OOSP2: variants seen among roughly 807,000 people sequenced by gnomAD.
The protein encoded by OOSP2 is oocyte-secreted protein 2.
OOSP2 carries 7 observed loss-of-function variants against 13.4 expected under a neutral mutation model. The ratio of observed to expected loss-of-function variants is 0.52; its 90% CI spans 0.30 to 0.98. The LOEUF is 0.98. Among genes scored for constraint, OOSP2 ranks in the 50% least tolerant of loss-of-function variants. OOSP2 has a pLI of 0.07. For synonymous variants in OOSP2, 75 were observed against 67.2 expected (o/e 1.12, Z -0.57); for missense variants, 184 against 188.5 (o/e 0.98, Z 0.14).
At chr11:60,045,607 T>TGTA (rs1854997473) in intron 3 of OOSP2, among the ~76,000 whole-genome samples, 1 of 90,010 alleles carries the variant, frequency 1.1e-5, no homozygotes, top group South Asian at 5.0e-4. Context: ...ATATACATAA[T>TGTA]CTTGTACATT....
intron 1 of OOSP2, among the ~76,000 whole-genome samples, chr11:60,042,889 T>C (rs1854953793): frequency 6.6e-6 from 1 of 152,052 alleles, no homozygotes. Flanking sequence ...TATACGGTTA[T>C]GGTTTTTCAT....
Position 60,040,431 on chromosome 11 carries a change from GC to G in OOSP2, c.-28del. On this transcript the variant is annotated 5_prime_UTR_variant, in exon 1 of 4. Coordinates refer to ENST00000278855, the MANE Select transcript of OOSP2 (RefSeq NM_173801.5). ...CTCCTTGTTTCCTGAGTTGTCCTGTGCTGGAGGTCTGCTCAGACGAAGGTCT... is the reference window on the plus strand; with the variant it reads ...CTCCTTGTTTCCTGAGTTGTCCTGTGTGGAGGTCTGCTCAGACGAAGGTCT... 7.1e-7 allele frequency: 1 copy of G among 1,402,418 alleles called. No individual in the cohort carries two copies. 86.9% of individuals were successfully genotyped at this position (1,402,418 alleles called of 1,614,324 possible). A position where few individuals can be genotyped will look rare whatever the true frequency, so the allele number is the denominator to read the frequency against.
At chr11:60,046,030 CTCTG>C (rs1379905699) in intron 3 of OOSP2, among the ~76,000 whole-genome samples, 4 of 150,754 alleles carry the variant, frequency 2.7e-5, no homozygotes, top group African/African-American at 7.3e-5. Flanking sequence ...TTGCCTCTGT[CTCTG>C]TCTGTCTGTC....
At chr11:60,044,588 A>G in intron 2 of OOSP2, 83 bp from the exon 3 acceptor site, 1 of 596,578 alleles carries the variant, frequency 1.7e-6, no homozygotes, top group Non-Finnish European at 3.0e-6. Flanking sequence ...GAGATCATGA[A>G]TGTTTTTTAC....
At chr11:60,045,911 T>A (rs1278828848) in intron 3 of OOSP2, among the ~76,000 whole-genome samples, 4 of 152,128 alleles carry the variant, frequency 2.6e-5, no homozygotes, top group African/African-American at 9.7e-5. Flanking sequence ...CACCCCTTGA[T>A]TCTCTGTCTC....
rs200973503 is a variant in OOSP2, at chr11:60,044,753, A to G, written c.326A>G (p.His109Arg). The G allele has an allele frequency of 1.9e-6, 3 of 1,579,456 alleles. No homozygotes were observed. The highest frequency in any genetic ancestry group is 2.6e-6 in the Non-Finnish European group (3 of 1,149,206). ...ATAGATCATGACCCTCAGGAAATCC[A>G]TTTGGAGTGTTCCACCTCTAGGTAA... ...RNIDHDPQEI[H>R]LECSTSRKSV... is the part of the protein sequence containing the mutation. The change falls in exon 3 of 4, where the codon CAT becomes CGT. Residue 109 changes from histidine (H) to arginine (R), a missense_variant. By Grantham distance (29) the His-to-Arg change is conservative (BLOSUM62 0). Coordinates refer to ENST00000278855, the MANE Select transcript of OOSP2 (RefSeq NM_173801.5).
chr11:60,041,724 G>C (rs916631164), intron 1 of OOSP2, among the ~76,000 whole-genome samples: 1 of 151,780 alleles, frequency 6.6e-6, no homozygotes, highest in Non-Finnish European at 1.5e-5. Context: ...AGTGGTGGGC[G>C]CCTGTAATCC....
In OOSP2 at chr11:60,040,476, T is replaced by C. The variant is rs778901721; in HGVS notation, c.17T>C (p.Leu6Ser). The part of the protein sequence containing the change: MALEV[L>S]MLLAVLIWTG... ...AAGGTCTCCATGGCGTTAGAAGTCT[T>C]GATGCTCCTCGCTGTCTTGATTTGG... The change falls in exon 1 of 4, where the codon TTG becomes TCG. Residue 6 changes from leucine (L) to serine (S), a missense_variant. Leu to Ser is a moderately radical substitution (Grantham distance 145). Coordinates refer to ENST00000278855, the MANE Select transcript of OOSP2 (RefSeq NM_173801.5). 19 of 1,602,822 alleles carry C rather than the reference T, an allele frequency of 1.2e-5. No homozygotes were observed. The highest frequency in any genetic ancestry group is 1.6e-4 in the Middle Eastern group (1 of 6,066).
At chr11:60,045,930 T>G (rs1451479204) in intron 3 of OOSP2, among the ~76,000 whole-genome samples, 4 of 152,174 alleles carry the variant, frequency 2.6e-5, no homozygotes, top group African/African-American at 7.2e-5. Flanking sequence ...TCTATCTCTG[T>G]CTCTGTCCTT....
chr11:60,045,202 A>C (rs1343269551), intron 3 of OOSP2, among the ~76,000 whole-genome samples: 1 of 152,176 alleles, frequency 6.6e-6, no homozygotes, highest in East Asian at 1.9e-4. Context: ...AAACATAAGA[A>C]AATCAGTCCT....
At position 60,042,724 on chromosome 11, in the gene OOSP2, A is replaced by G. The variant is rs371969594; in HGVS notation, c.65-745A>G. Among the ~76,000 whole-genome samples the G allele has an allele frequency of 2.8e-4, 42 of 151,326 alleles. 1 individual carries two copies. In the South Asian group the frequency reaches 8.4e-3, roughly 30 times the overall value. On this transcript the variant is annotated intron_variant, in intron 1 of 3. Coordinates refer to ENST00000278855, the MANE Select transcript of OOSP2 (RefSeq NM_173801.5). ...TCTGGCTGCTCTAGACAAGAATTCT[A>G]CTGTTCTAGAACCACCCTTTCTCCT...
chr11:60,047,846 A>G lies in OOSP2; in HGVS notation c.*773A>G, dbSNP rs763561200. Reference sequence around the variant, plus strand: ...CTTCCTTTCTTTAAACATGGAGTCTAAATATGTAATATATCAAAAAATACT... The same window carrying G: ...CTTCCTTTCTTTAAACATGGAGTCTGAATATGTAATATATCAAAAAATACT... On this transcript the variant is annotated 3_prime_UTR_variant, in exon 4 of 4. Transcript: ENST00000278855. 2.0e-5 allele frequency: 3 copies of G among 152,128 alleles called. No individual in the cohort carries two copies. Among genetic ancestry groups the G allele is most frequent in the Non-Finnish European group, 4.4e-5 (3 of 67,990 alleles). 9.4% of individuals were successfully genotyped at this position (152,128 alleles called of 1,614,324 possible). A position where few individuals can be genotyped will look rare whatever the true frequency, so the allele number is the denominator to read the frequency against.
At chr11:60,045,689 T>C (rs1201500680) in intron 3 of OOSP2, among the ~76,000 whole-genome samples, 2 of 152,174 alleles carry the variant, frequency 1.3e-5, no homozygotes, top group Non-Finnish European at 2.9e-5. Context: ...AATCTTTTAA[T>C]TTTGGTAAAA....
intron 1 of OOSP2, among the ~76,000 whole-genome samples, chr11:60,041,837 C>T (rs1186944299): frequency 1.6e-4 from 15 of 93,276 alleles, no homozygotes; most frequent in African/African-American, 5.8e-4. Flanking sequence ...GGTGACAGAG[C>T]GAGACTCTGT....
At chr11:60,045,805 T>C (rs1160292065) in intron 3 of OOSP2, among the ~76,000 whole-genome samples, 1 of 152,188 alleles carries the variant, frequency 6.6e-6, no homozygotes, top group Admixed American at 6.5e-5. Flanking sequence ...TCATAAAGTA[T>C]TTTCATAATA....
In OOSP2 at chr11:60,040,438, G is replaced by A. The variant is rs766784254; in HGVS notation, c.-22G>A. The A allele has an allele frequency of 2.0e-6, 3 of 1,486,380 alleles. No individual in the cohort carries two copies. Among genetic ancestry groups the A allele is most frequent in the South Asian group, 1.1e-5 (1 of 88,566 alleles). 92.1% of individuals were successfully genotyped at this position (1,486,380 alleles called of 1,614,324 possible). ...TTTCCTGAGTTGTCCTGTGCTGGAG[G>A]TCTGCTCAGACGAAGGTCTCCATGG... On this transcript the variant is annotated 5_prime_UTR_variant, in exon 1 of 4. Transcript: ENST00000278855.
chr11:60,043,121 G>A (rs1428398836), intron 1 of OOSP2, among the ~76,000 whole-genome samples: 1 of 152,014 alleles, frequency 6.6e-6, no homozygotes, highest in East Asian at 1.9e-4. Context: ...AGCCAGGACG[G>A]TCTCGATCTC....
At position 60,047,802 on chromosome 11, in the gene OOSP2, A is replaced by G. The variant is rs183989892; in HGVS notation, c.*729A>G. The stretch of plus-strand genomic sequence containing the variant: ...AGCATTCATTAAATGATTATTTATT[A>G]CCACCTACTTTATACTATCTTCCTT... On this transcript the variant is annotated 3_prime_UTR_variant, in exon 4 of 4. Transcript: ENST00000278855. 1 of 152,272 alleles carries G rather than the reference A, an allele frequency of 6.6e-6. No homozygotes were observed. The highest frequency in any genetic ancestry group is 1.5e-5 in the Non-Finnish European group (1 of 67,984). The allele number at this position is 152,272 out of a possible 1,614,324, so 9.4% of individuals were successfully genotyped here.
At position 60,041,177 on chromosome 11, in the gene OOSP2, T is replaced by G. The variant is rs895656263; in HGVS notation, c.64+654T>G. Among the ~76,000 whole-genome samples, 7 of 151,832 alleles carry G rather than the reference T, an allele frequency of 4.6e-5. No homozygotes were observed. In the South Asian group the frequency reaches 6.2e-4, roughly 13 times the overall value. On this transcript the variant is annotated intron_variant, in intron 1 of 3. Coordinates refer to ENST00000278855, the MANE Select transcript of OOSP2 (RefSeq NM_173801.5). ...TTTTATGTTCTTTATGGTTTCTTTT[T>G]GTAGACTTTTTTTGGTAATTTGAAA...
Sources: gnomAD v4.1 joint callset for allele counts (sites outside exome capture counted in the v4.1 genomes callset) on GRCh38, gnomAD v4.1.1 for gene constraint, MANE v1.5 for transcripts, NCBI Gene and HGNC (gene_info 2026-07-23, HGNC 2026-07-21) for gene names.